The following TMTC1 variants were observed in gnomAD, a reference collection of about 807,000 sequenced individuals.
TMTC1 encodes the protein transmembrane O-mannosyltransferase targeting cadherins 1.
A neutral mutation model predicts 104.8 loss-of-function variants in TMTC1; 73 were observed. The observed-to-expected ratio is 0.70, with a 90% CI of 0.58 to 0.85. TMTC1 has a LOEUF of 0.85. TMTC1 is among the 40% of genes least tolerant of loss of function. TMTC1 has a pLI of 0.00. For missense variants in TMTC1, 1,035 were observed against 1,096.1 expected (o/e 0.94, Z 0.79); for synonymous variants, 434 against 428.7 (o/e 1.01, Z -0.15).
At chr12:29,536,576 G>A (rs1341369488) in intron 10 of TMTC1, among the ~76,000 whole-genome samples, 1 of 152,112 alleles carries the variant, frequency 6.6e-6, no homozygotes, top group East Asian at 1.9e-4. Context: ...GTTTTCTGCT[G>A]TGCACTCTTC....
At chr12:29,595,015 G>A (rs1441157052) in intron 7 of TMTC1, among the ~76,000 whole-genome samples, 1 of 152,160 alleles carries the variant, frequency 6.6e-6, no homozygotes, top group Non-Finnish European at 1.5e-5. Context: ...TTTGCACGAG[G>A]TAGATTGAAA....
intron 5 of TMTC1, among the ~76,000 whole-genome samples, chr12:29,725,286 G>A (rs1043234173): frequency 1.3e-4 from 19 of 151,356 alleles, no homozygotes; most frequent in Admixed American, 1.3e-4. Context: ...CTTGCCCTCC[G>A]AAAGTGCTAG....
intron 5 of TMTC1, among the ~76,000 whole-genome samples, chr12:29,672,971 C>A (rs1250059378): frequency 6.6e-6 from 1 of 152,148 alleles, no homozygotes; most frequent in African/African-American, 2.4e-5. Context: ...ACCCCTAATG[C>A]CCTTTCAATT....
chr12:29,539,640 A>G (rs1944740641), intron 10 of TMTC1, among the ~76,000 whole-genome samples: 1 of 151,962 alleles, frequency 6.6e-6, no homozygotes, highest in South Asian at 2.1e-4. Flanking sequence ...ACAATGACCT[A>G]CTCCATTGAT....
chr12:29,724,771 C>G (rs1942335553), intron 5 of TMTC1, among the ~76,000 whole-genome samples: 1 of 151,966 alleles, frequency 6.6e-6, no homozygotes, highest in Middle Eastern at 3.4e-3. Context: ...ATAATGTTAC[C>G]TCTGAGGATA....
chr12:29,705,941 AG>A (rs1385912045), intron 5 of TMTC1, among the ~76,000 whole-genome samples: 3 of 152,028 alleles, frequency 2.0e-5, no homozygotes, highest in African/African-American at 7.2e-5. Flanking sequence ...TTCGGGCTGA[AG>A]AAAAAAAAAA....
chr12:29,594,998 A>G (rs1946370544), intron 7 of TMTC1, among the ~76,000 whole-genome samples: 4 of 152,200 alleles, frequency 2.6e-5, no homozygotes, highest in Admixed American at 2.6e-4. Flanking sequence ...TGATTCACCC[A>G]ATCTCATTTG....
At chr12:29,750,562 T>A (rs1426933227) in intron 5 of TMTC1, among the ~76,000 whole-genome samples, 4 of 152,004 alleles carry the variant, frequency 2.6e-5, no homozygotes, top group Non-Finnish European at 5.9e-5. Context: ...AATGAATGAA[T>A]GGGGCAAGAT....
chr12:29,639,147 C>G (rs933854043), intron 5 of TMTC1, among the ~76,000 whole-genome samples: 3 of 152,228 alleles, frequency 2.0e-5, no homozygotes, highest in Non-Finnish European at 4.4e-5. Flanking sequence ...GATCTAGCCT[C>G]TGCCTTCCAC....
At chr12:29,654,212 C>G (rs1021023759) in intron 5 of TMTC1, among the ~76,000 whole-genome samples, 2 of 152,024 alleles carry the variant, frequency 1.3e-5, no homozygotes, top group African/African-American at 4.8e-5. Flanking sequence ...GGACTTGTAT[C>G]TAGAATATAT....
chr12:29,524,507 T>C (rs1944279742), intron 11 of TMTC1, among the ~76,000 whole-genome samples: 1 of 152,212 alleles, frequency 6.6e-6, no homozygotes, highest in Non-Finnish European at 1.5e-5. Flanking sequence ...GACTTTTGTG[T>C]AATCAGTCTT....
At chr12:29,730,639 G>A (rs550896249) in intron 5 of TMTC1, among the ~76,000 whole-genome samples, 94 of 152,238 alleles carry the variant, frequency 6.2e-4, no homozygotes, top group African/African-American at 2.1e-3. Context: ...TGGTGGCTAC[G>A]AGCACTAAGA....
chr12:29,597,515 G>A (rs1000468563), intron 7 of TMTC1, among the ~76,000 whole-genome samples: 10 of 151,706 alleles, frequency 6.6e-5, no homozygotes, highest in African/African-American at 2.2e-4. Flanking sequence ...CCTGTCCCAT[G>A]GCAGATGGAC....
intron 6 of TMTC1, among the ~76,000 whole-genome samples, chr12:29,606,393 GAGC>G (rs1946699465): frequency 6.6e-6 from 1 of 151,576 alleles, no homozygotes; most frequent in Admixed American, 6.6e-5. Context: ...TGTATATCAA[GAGC>G]AAGTATTTCT....
At chr12:29,670,382 C>A (rs140673637) in intron 5 of TMTC1, among the ~76,000 whole-genome samples, 1 of 152,112 alleles carries the variant, frequency 6.6e-6, no homozygotes, top group Non-Finnish European at 1.5e-5. Flanking sequence ...TCCTGTCAGA[C>A]GGGCACTATT....
At chr12:29,576,302 G>C (rs1179522218) in intron 8 of TMTC1, among the ~76,000 whole-genome samples, 1 of 152,090 alleles carries the variant, frequency 6.6e-6, no homozygotes, top group Non-Finnish European at 1.5e-5. Context: ...CGCTCTTAGT[G>C]TTGTATCAAA....
intron 8 of TMTC1, among the ~76,000 whole-genome samples, chr12:29,581,337 T>C (rs940294356): frequency 2.0e-5 from 3 of 152,214 alleles, no homozygotes; most frequent in Admixed American, 6.5e-5. Context: ...TCTCAGGACA[T>C]AGATAAATGA....
chr12:29,783,365 A>T lies in TMTC1; in HGVS notation c.302+85T>A, dbSNP rs575610302. 1.7e-6 allele frequency: 2 copies of T among 1,198,942 alleles called. No homozygotes were observed. The highest frequency in any genetic ancestry group is 4.1e-5 in the Admixed American group (1 of 24,134). 74.3% of individuals were successfully genotyped at this position (1,198,942 alleles called of 1,614,324 possible). On this transcript the variant is annotated intron_variant, in intron 1 of 17. Coordinates refer to ENST00000539277, the MANE Select transcript of TMTC1 (RefSeq NM_001193451.2). The surrounding 1 kb of genome is among the most constrained non-coding windows in gnomAD (Gnocchi z 4.7). ...GGGCGGCAAAAATGAAATGCCCCCAAGTCAGTCCCGCAACTTCTCCCGGTC... is the reference window on the plus strand; with the variant it reads ...GGGCGGCAAAAATGAAATGCCCCCATGTCAGTCCCGCAACTTCTCCCGGTC...
intron 5 of TMTC1, among the ~76,000 whole-genome samples, chr12:29,673,638 AC>A (rs1940602365): frequency 6.6e-6 from 1 of 150,690 alleles, no homozygotes; most frequent in Non-Finnish European, 1.5e-5. Context: ...TTTATATTTT[AC>A]TTATCGTTTC....
Sources: allele counts gnomAD v4.1 joint callset (sites outside exome capture counted in the v4.1 genomes callset), GRCh38; gene constraint gnomAD v4.1.1; non-coding constraint Gnocchi (gnomAD v3.1); transcripts MANE v1.5; gene names NCBI Gene and HGNC (gene_info 2026-07-23, HGNC 2026-07-21).